YEATS2: variants seen among roughly 807,000 people sequenced by gnomAD.
YEATS2 encodes YEATS domain-containing protein 2.
Under a neutral mutation model 163.2 loss-of-function variants are expected in YEATS2, and 77 were observed. The ratio of observed to expected loss-of-function variants is 0.47; its 90% CI spans 0.39 to 0.57. The LOEUF (loss-of-function observed/expected upper bound fraction) is 0.57, where lower values mean the gene tolerates loss of function less well. YEATS2 is among the 20% of genes least tolerant of loss of function. The pLI, the probability that YEATS2 is intolerant of heterozygous loss-of-function variation, is 0.00. For synonymous variants in YEATS2, 631 were observed against 645.1 expected (o/e 0.98, Z 0.33); for missense variants, 1,549 against 1,729.8 (o/e 0.90, Z 1.85).
At chr3:183,809,709 T>G (rs1726601544) in intron 30 of YEATS2, among the ~76,000 whole-genome samples, 1 of 152,202 alleles carries the variant, frequency 6.6e-6, no homozygotes, top group Non-Finnish European at 1.5e-5. Flanking sequence ...ATTAAGACAC[T>G]GAGTTTCAGT....
intron 1 of YEATS2, among the ~76,000 whole-genome samples, chr3:183,701,940 T>C (rs1300678905): frequency 6.6e-6 from 1 of 152,134 alleles, no homozygotes; most frequent in African/African-American, 2.4e-5. Flanking sequence ...TAGAACTAGT[T>C]CTACTTCTCC....
intron 5 of YEATS2, 99 bp downstream of exon 5, chr3:183,722,235 T>C (rs1388559297): frequency 7.7e-7 from 1 of 1,295,638 alleles, no homozygotes. Context: ...ACAGGAATCT[T>C]AGGAAATAGG....
At chr3:183,743,087 A>G (rs1452693011) in intron 8 of YEATS2, among the ~76,000 whole-genome samples, 1 of 152,252 alleles carries the variant, frequency 6.6e-6, no homozygotes, top group Non-Finnish European at 1.5e-5. Flanking sequence ...AAACAGATTC[A>G]TTGTGAGTTG....
intron 19 of YEATS2, among the ~76,000 whole-genome samples, chr3:183,781,811 G>A (rs1004126187): frequency 5.3e-5 from 8 of 152,106 alleles, no homozygotes; most frequent in African/African-American, 1.9e-4. Context: ...GCTGAGGTGG[G>A]AGGATGGCTT....
chr3:183,795,563 A>G (rs2108499997), intron 21 of YEATS2, among the ~76,000 whole-genome samples: 1 of 148,862 alleles, frequency 6.7e-6, no homozygotes, highest in South Asian at 2.2e-4. Context: ...GGCCTCCCAA[A>G]GTGCTGGGGT....
chr3:183,777,492 C>T (rs1723111466), intron 18 of YEATS2, 50 bp from the exon 19 acceptor site: 6 of 1,591,634 alleles, frequency 3.8e-6, no homozygotes, highest in Non-Finnish European at 5.1e-6. Flanking sequence ...AACAGCCCAT[C>T]TGAATTTAAC....
chr3:183,753,282 A>G (rs1302101518), intron 10 of YEATS2, among the ~76,000 whole-genome samples: 1 of 152,216 alleles, frequency 6.6e-6, no homozygotes, highest in Non-Finnish European at 1.5e-5. Flanking sequence ...ATATGTGTAT[A>G]AATACATATT....
intron 2 of YEATS2, among the ~76,000 whole-genome samples, chr3:183,716,331 T>C (rs1413197409): frequency 6.6e-6 from 1 of 152,162 alleles, no homozygotes; most frequent in Admixed American, 6.6e-5. Context: ...TCTACCTAAG[T>C]TAATACTTTT....
intron 7 of YEATS2, among the ~76,000 whole-genome samples, chr3:183,730,057 T>G (rs1435175718): frequency 3.3e-3 from 99 of 29,904 alleles, no homozygotes; most frequent in African/African-American, 7.4e-3. Flanking sequence ...TGTTTGTTTT[T>G]TTTTTTTTTT....
intron 19 of YEATS2, among the ~76,000 whole-genome samples, chr3:183,782,605 G>A (rs772922454): frequency 1.5e-4 from 22 of 151,580 alleles, no homozygotes; most frequent in Non-Finnish European, 2.1e-4. Context: ...TGTATTTTTC[G>A]TAGAGACAGG....
intron 28 of YEATS2, 134 bp from the exon 29 acceptor site, chr3:183,807,896 A>G (rs2290571): frequency 3.2e-6 from 2 of 621,456 alleles, no homozygotes; most frequent in South Asian, 4.2e-5. Context: ...TTTCCCGTGA[A>G]TTTTGCCCAA....
Position 183,752,228 on chromosome 3 carries a change from A to G in YEATS2, c.1125A>G (p.Pro375=), listed in dbSNP as rs745396410. Residue 375 remains proline (P), a synonymous_variant, in exon 10 of 31, where the codon CCA becomes CCG. Transcript: ENST00000305135. ...CACCAATAAAGCAGTCACATGAGCC[A>G]GTACCCGATACCTCTGTGGAGAAAG... The part of the protein sequence containing the change: ...ASSPIKQSHE[P]VPDTSVEKGF... 4 of 1,614,212 alleles carry G rather than the reference A, an allele frequency of 2.5e-6. No homozygotes were observed. The highest frequency in any genetic ancestry group is 1.3e-5 in the African/African-American group (1 of 75,046).
At chr3:183,784,349 G>A (rs1239856353) in intron 19 of YEATS2, among the ~76,000 whole-genome samples, 1 of 152,060 alleles carries the variant, frequency 6.6e-6, no homozygotes, top group Admixed American at 6.6e-5. Flanking sequence ...TTAGTGATAC[G>A]GAGCATTTTT....
At chr3:183,716,022 T>G (rs545450456) in intron 2 of YEATS2, among the ~76,000 whole-genome samples, 2 of 152,044 alleles carry the variant, frequency 1.3e-5, no homozygotes, top group Admixed American at 6.6e-5. Context: ...TGCAGTGGCG[T>G]GATCTCGGCT....
Position 183,809,179 on chromosome 3 carries a change from A to C in YEATS2, c.4160+9A>C. 1 of 1,613,792 alleles carries C rather than the reference A, an allele frequency of 6.2e-7. No homozygotes were observed. The highest frequency in any genetic ancestry group is 8.5e-7 in the Non-Finnish European group (1 of 1,179,732). The stretch of plus-strand genomic sequence containing the variant: ...ACAGCTTCTCACAACAGGTATTACT[A>C]TCTCTGCAGTCTGTGGTGTGAGGCT... On this transcript the variant is annotated intron_variant, in intron 30 of 30. Coordinates refer to ENST00000305135, the MANE Select transcript of YEATS2 (RefSeq NM_018023.5).
chr3:183,712,465 C>T (rs1715372526), intron 1 of YEATS2, among the ~76,000 whole-genome samples: 1 of 151,920 alleles, frequency 6.6e-6, no homozygotes, highest in Non-Finnish European at 1.5e-5. Flanking sequence ...CCTGCCTGAG[C>T]CTCCTAGAGT....
At chr3:183,704,249 C>G (rs532913427) in intron 1 of YEATS2, among the ~76,000 whole-genome samples, 20 of 151,698 alleles carry the variant, frequency 1.3e-4, no homozygotes, top group African/African-American at 4.6e-4. Flanking sequence ...AGGATTTAGC[C>G]TTTGTTCGTT....
At chr3:183,791,100 C>A in intron 21 of YEATS2, 120 bp downstream of exon 21, 1 of 1,313,748 alleles carries the variant, frequency 7.6e-7, no homozygotes, top group Non-Finnish European at 1.0e-6. Flanking sequence ...ATATCACAAT[C>A]TCGACTCACT....
At chr3:183,785,261 G>T (rs756197940) in intron 19 of YEATS2, among the ~76,000 whole-genome samples, 10 of 152,044 alleles carry the variant, frequency 6.6e-5, no homozygotes, top group Non-Finnish European at 1.3e-4. Context: ...GCTGAGGTGG[G>T]CAGATCACGA....
Sources: gnomAD v4.1 joint callset for allele counts (sites outside exome capture counted in the v4.1 genomes callset) on GRCh38, gnomAD v4.1.1 for gene constraint, MANE v1.5 for transcripts, NCBI Gene and HGNC (gene_info 2026-07-23, HGNC 2026-07-21) for gene names.